Variants in CDK12 observed in about 807,000 individuals in gnomAD.
CDK12 encodes cyclin dependent kinase 12.
In CDK12, 17 loss-of-function variants were observed where a neutral mutation model predicts 133.8. The ratio of observed to expected loss-of-function variants is 0.13; its 90% CI spans 0.09 to 0.19. The LOEUF (loss-of-function observed/expected upper bound fraction) is 0.19. CDK12 is among the 10% of genes least tolerant of loss of function. The pLI, the probability that CDK12 is intolerant of heterozygous loss-of-function variation, is 1.00. For missense variants in CDK12, 1,508 were observed against 1,818.7 expected (o/e 0.83, Z 3.11); for synonymous variants, 694 against 683.6 (o/e 1.02, Z -0.24).
intron 2 of CDK12, among the ~76,000 whole-genome samples, chr17:39,472,172 T>A (rs1390128249): frequency 6.6e-6 from 1 of 151,616 alleles, no homozygotes; most frequent in Non-Finnish European, 1.5e-5. Flanking sequence ...TTAGTAGAGA[T>A]GGGGTTTCAA....
intron 7 of CDK12, among the ~76,000 whole-genome samples, chr17:39,510,106 ATC>A (rs1167524992): frequency 2.1e-5 from 3 of 145,192 alleles, no homozygotes; most frequent in East Asian, 2.0e-4. Flanking sequence ...CTGGGCAACA[ATC>A]TCTCTCTTTT....
intron 11 of CDK12, 36 bp from the exon 12 acceptor site, chr17:39,524,638 C>T: frequency 1.3e-6 from 2 of 1,553,986 alleles, no homozygotes; most frequent in South Asian, 2.2e-5. Flanking sequence ...TGCTGCATTC[C>T]CTTACATATT....
intron 3 of CDK12, among the ~76,000 whole-genome samples, chr17:39,564,393 G>A (rs1298764101): frequency 1.3e-5 from 2 of 152,128 alleles, no homozygotes; most frequent in Middle Eastern, 3.2e-3. Flanking sequence ...CCTCCTCCTG[G>A]CAGGAATGGA....
intron 8 of CDK12, 52 bp from the exon 9 acceptor site, chr17:39,515,679 T>C: frequency 7.8e-7 from 1 of 1,276,912 alleles, no homozygotes; most frequent in Non-Finnish European, 1.1e-6. Context: ...TGAGACACTT[T>C]AAATAGGCTC....
chr17:39,529,648 T>A (rs2054708054), intron 13 of CDK12, among the ~76,000 whole-genome samples: 1 of 152,216 alleles, frequency 6.6e-6, no homozygotes, highest in South Asian at 2.1e-4. Flanking sequence ...TGGCAGGAGT[T>A]CATTATCAGA....
chr17:39,507,450 G>T (rs1007459048), intron 6 of CDK12, among the ~76,000 whole-genome samples: 1 of 151,874 alleles, frequency 6.6e-6, no homozygotes, highest in Non-Finnish European at 1.5e-5. Flanking sequence ...GCCGGGCGTA[G>T]TGGCACATGC....
rs892668876 is a variant in CDK12 at position 39,533,626 on chromosome 17, C to T, written c.*2310C>T. The T allele has an allele frequency of 1.3e-5, 3 of 232,960 alleles. No homozygotes were observed. Among genetic ancestry groups the T allele is most frequent in the Non-Finnish European group, 2.5e-5 (3 of 117,912 alleles). The allele number at this position is 232,960 out of a possible 1,614,324, so 14.4% of individuals were successfully genotyped here. A position where few individuals can be genotyped will look rare whatever the true frequency, so the allele number is the denominator to read the frequency against. On this transcript the variant is annotated 3_prime_UTR_variant, in exon 14 of 14. Coordinates refer to ENST00000447079, the MANE Select transcript of CDK12 (RefSeq NM_016507.4). ...TCTTATTTTTAATTATGCCAAATATCCTAAATAATATACTTAAGCCTCCAT... is the reference window on the plus strand; with the variant it reads ...TCTTATTTTTAATTATGCCAAATATTCTAAATAATATACTTAAGCCTCCAT...
intron 8 of CDK12, among the ~76,000 whole-genome samples, chr17:39,512,075 A>T (rs2146389192): frequency 6.6e-6 from 1 of 152,044 alleles, no homozygotes; most frequent in South Asian, 2.1e-4. Flanking sequence ...TTTTAGCATG[A>T]TTTTTTATCT....
At chr17:39,527,385 C>G (rs2054558615) in intron 13 of CDK12, among the ~76,000 whole-genome samples, 1 of 152,238 alleles carries the variant, frequency 6.6e-6, no homozygotes. Context: ...CCTGCTATCT[C>G]TATTTGGCCA....
chr17:39,483,657 A>T (rs1597994124), intron 2 of CDK12, among the ~76,000 whole-genome samples: 1 of 152,070 alleles, frequency 6.6e-6, no homozygotes, highest in South Asian at 2.1e-4. Flanking sequence ...AAATTATCTC[A>T]TTGAAAAATT....
Position 39,533,696 on chromosome 17 carries a change from T to A in CDK12, c.*2380T>A, listed in dbSNP as rs1186462593. 8.6e-6 allele frequency: 2 copies of A among 232,826 alleles called. No individual in the cohort carries two copies. Among genetic ancestry groups the A allele is most frequent in the African/African-American group, 4.4e-5 (2 of 45,290 alleles). 14.4% of individuals were successfully genotyped at this position (232,826 alleles called of 1,614,324 possible). A position where few individuals can be genotyped will look rare whatever the true frequency, so the allele number is the denominator to read the frequency against. On this transcript the variant is annotated 3_prime_UTR_variant, in exon 14 of 14. Transcript: ENST00000447079. ...AAGGGGGTGAGTGTATGTGTGAGTG[T>A]ATGTGTATGTATGATCCCATCTCAC...
intron 3 of CDK12, among the ~76,000 whole-genome samples, 173 bp downstream of exon 3, chr17:39,490,906 C>T (rs2051541231): frequency 6.6e-6 from 1 of 152,112 alleles, no homozygotes; most frequent in Non-Finnish European, 1.5e-5. Flanking sequence ...TCAGGTCATT[C>T]ATCTATGCCC....
intron 3 of CDK12, among the ~76,000 whole-genome samples, chr17:39,563,673 C>G (rs981324323): frequency 8.5e-5 from 13 of 152,108 alleles, no homozygotes; most frequent in Non-Finnish European, 1.6e-4. Context: ...CTTCGCAGCA[C>G]CGCCTGCGGA....
chr17:39,539,310 A>G (rs1824995513), downstream of CDK12, among the ~76,000 whole-genome samples: 1 of 152,250 alleles, frequency 6.6e-6, no homozygotes, highest in South Asian at 2.1e-4. Context: ...CAAAGAGAAT[A>G]GTATTTATCT....
chr17:39,564,711 CCTGT>C (rs2056510893), intron 3 of CDK12: 1 of 152,164 alleles, frequency 6.6e-6, no homozygotes, highest in African/African-American at 2.4e-5. Flanking sequence ...GTTCCCCTCC[CCTGT>C]CTATTTATAT....
At chr17:39,540,493 A>G (rs568885475) in intron 1 of CDK12, among the ~76,000 whole-genome samples, 1 of 152,350 alleles carries the variant, frequency 6.6e-6, no homozygotes, top group East Asian at 1.9e-4. Flanking sequence ...GGGTGTGCCC[A>G]TAGACTTCAA....
chr17:39,485,272 A>G (rs2051026693), intron 2 of CDK12, among the ~76,000 whole-genome samples: 1 of 152,070 alleles, frequency 6.6e-6, no homozygotes, highest in African/African-American at 2.4e-5. Context: ...TAAAGTAAAC[A>G]TTGGAGAAAA....
chr17:39,473,030 C>T (rs943279015), intron 2 of CDK12, among the ~76,000 whole-genome samples: 6 of 151,634 alleles, frequency 4.0e-5, no homozygotes, highest in East Asian at 1.9e-4. Context: ...AAGTCGAAAT[C>T]GCGCCGCTGT....
Position 39,482,015 on chromosome 17 carries a change from C to CATT in CDK12, c.1932-8542_1932-8541insATT, listed in dbSNP as rs773073791. Among the ~76,000 whole-genome samples the CATT allele has an allele frequency of 2.1e-3, 200 of 96,212 alleles. 17 individuals carry two copies. The highest frequency in any genetic ancestry group is 2.6e-3 in the East Asian group (8 of 3,030). The allele number at this position is 96,212 out of a possible 152,430, so 63.1% of individuals were successfully genotyped here. A position where few individuals can be genotyped will look rare whatever the true frequency, so the allele number is the denominator to read the frequency against. ...GATTACAGGCATGAGCCTGGCTTGC[C>CATT]TTTTTTTTTTTTTTTTAACAGAGTT... On this transcript the variant is annotated intron_variant, in intron 2 of 13. Coordinates refer to ENST00000447079, the MANE Select transcript of CDK12 (RefSeq NM_016507.4).
Sources: gnomAD v4.1 joint callset for allele counts (sites outside exome capture counted in the v4.1 genomes callset) on GRCh38, gnomAD v4.1.1 for gene constraint, MANE v1.5 for transcripts, NCBI Gene and HGNC (gene_info 2026-07-23, HGNC 2026-07-21) for gene names.